OR51B5: variants seen among roughly 807,000 people sequenced by gnomAD.
OR51B5 encodes the protein olfactory receptor family 51 subfamily B member 5, also known as olfactory receptor 51B5.
For synonymous variants in OR51B5, 186 were observed against 144.8 expected (o/e 1.28, Z -2.04); for missense variants, 456 against 374.6 (o/e 1.22, Z -1.79).
In OR51B5 at chr11:5,481,810, A is replaced by T. The variant is rs1396533731; in HGVS notation, n.84+23759T>A. 2.2e-5 allele frequency among the ~76,000 whole-genome samples: 3 copies of T among 137,014 alleles called. No individual in the cohort carries two copies. The South Asian group carries it at 7.9e-4, about 36-fold the overall frequency. 89.9% of individuals were successfully genotyped at this position (137,014 alleles called of 152,430 possible). A position where few individuals can be genotyped will look rare whatever the true frequency, so the allele number is the denominator to read the frequency against. On this transcript the variant is annotated intron_variant and non_coding_transcript_variant, in intron 1 of 4. Transcript: ENST00000415970. ...ATCCAACTTACAAGGGATGTGAAGG[A>T]CCTCTTCAAGGAGAACTACAAACCA...
chr11:5,483,386 T>C (rs61892092), intron 1 of OR51B5, among the ~76,000 whole-genome samples: 13,306 of 129,298 alleles, frequency 0.1, 820 homozygotes, highest in Middle Eastern at 0.16. Flanking sequence ...AGGGATAGCA[T>C]TGGGAGATAT....
chr11:5,427,337 G>A (rs1850466304), intron 1 of OR51B5, among the ~76,000 whole-genome samples: 2 of 151,488 alleles, frequency 1.3e-5, no homozygotes, highest in African/African-American at 4.9e-5. Context: ...CCCTACACAT[G>A]TGTGCTGAAA....
chr11:5,363,957 T>C (rs775920620), intron 1 of OR51B5, among the ~76,000 whole-genome samples: 1 of 152,164 alleles, frequency 6.6e-6, no homozygotes, highest in Admixed American at 6.5e-5. Context: ...GAGGAGAAGC[T>C]TGTGTTAGGA....
intron 1 of OR51B5, chr11:5,454,329 CT>C: frequency 6.2e-7 from 1 of 1,614,146 alleles, no homozygotes; most frequent in Non-Finnish European, 8.5e-7. Flanking sequence ...AAATGTGTAC[CT>C]ATTTGTGCCT....
In OR51B5 at chr11:5,357,673, A is replaced by G. The variant is rs565359649; in HGVS notation, n.85-10763T>C. ...ACATCTACAGAACTCTCCACCCCAA[A>G]TCAACAGAATATACATTCTTTTCAG... is the stretch of plus-strand genomic sequence containing the variant. On this transcript the variant is annotated intron_variant and non_coding_transcript_variant, in intron 1 of 4. Coordinates refer to the OR51B5 transcript ENST00000415970. 1.2e-3 allele frequency among the ~76,000 whole-genome samples: 179 copies of G among 151,226 alleles called. 1 individual carries two copies. The highest frequency in any genetic ancestry group is 4.1e-3 in the African/African-American group (169 of 41,184).
chr11:5,477,943 C>T (rs4547124), intron 1 of OR51B5, among the ~76,000 whole-genome samples: 15,515 of 150,956 alleles, frequency 0.1, 852 homozygotes, highest in Middle Eastern at 0.17. Flanking sequence ...GAGGGGCGCC[C>T]GCCATTGCCC....
At chr11:5,461,262 G>A (rs941333573) in intron 1 of OR51B5, among the ~76,000 whole-genome samples, 2 of 152,316 alleles carry the variant, frequency 1.3e-5, no homozygotes, top group South Asian at 2.1e-4. Context: ...AGGCCAGGGG[G>A]TGGAGGCGAG....
At chr11:5,343,670 A>ACGTAGGTAGG, upstream of OR51B5, 1 of 535,382 alleles carries the variant, frequency 1.9e-6, no homozygotes, top group Non-Finnish European at 3.3e-6. Flanking sequence ...ATTGTTTCTC[A>ACGTAGGTAGG]AAATACATTC....
At chr11:5,404,646 G>T (rs751947660) in intron 1 of OR51B5, among the ~76,000 whole-genome samples, 1 of 152,214 alleles carries the variant, frequency 6.6e-6, no homozygotes, top group Non-Finnish European at 1.5e-5. Context: ...CTTGCACGCT[G>T]TGGAAGCTTT....
chr11:5,359,684 A>G (rs185934819), intron 1 of OR51B5, among the ~76,000 whole-genome samples: 1 of 150,448 alleles, frequency 6.6e-6, no homozygotes, highest in African/African-American at 2.5e-5. Context: ...CCACATTGAC[A>G]TGCCAATCCT....
chr11:5,374,535 A>T (rs528441453), intron 1 of OR51B5, among the ~76,000 whole-genome samples: 58 of 152,330 alleles, frequency 3.8e-4, no homozygotes, highest in African/African-American at 1.3e-3. Context: ...AACTACTCCG[A>T]GCTACAGGAG....
chr11:5,382,108 C>A (rs1396584675), intron 1 of OR51B5, among the ~76,000 whole-genome samples: 2 of 152,172 alleles, frequency 1.3e-5, no homozygotes, highest in Non-Finnish European at 2.9e-5. Context: ...AAAATGTGTA[C>A]CATGTTTGAC....
chr11:5,348,125 T>TA (rs1849022971), upstream of OR51B5, among the ~76,000 whole-genome samples: 1 of 152,142 alleles, frequency 6.6e-6, no homozygotes, highest in South Asian at 2.1e-4. Context: ...AGAGTAGATA[T>TA]ATGTAGTAGG....
chr11:5,468,975 TG>T (rs1851181657), intron 1 of OR51B5: 1 of 345,634 alleles, frequency 2.9e-6, no homozygotes, highest in Non-Finnish European at 5.7e-6. Context: ...CGGATGACAA[TG>T]GATATGCCAT....
intron 1 of OR51B5, among the ~76,000 whole-genome samples, chr11:5,406,628 T>G (rs1351815600): frequency 2.0e-5 from 3 of 152,160 alleles, no homozygotes; most frequent in Non-Finnish European, 4.4e-5. Flanking sequence ...AAATAAACAC[T>G]TTCACATTTA....
chr11:5,497,810 A>T (rs1423965058), intron 1 of OR51B5, among the ~76,000 whole-genome samples: 2 of 152,214 alleles, frequency 1.3e-5, no homozygotes, highest in African/African-American at 2.4e-5. Flanking sequence ...GGAGTTTCTC[A>T]GCAGCTTTGC....
intron 1 of OR51B5, chr11:5,505,246 T>G: frequency 8.7e-7 from 1 of 1,151,426 alleles, no homozygotes; most frequent in Non-Finnish European, 1.1e-6. Flanking sequence ...AACATTGCTA[T>G]TAGGTTTTTT....
intron 1 of OR51B5, among the ~76,000 whole-genome samples, chr11:5,420,835 T>G (rs1267011573): frequency 6.6e-6 from 1 of 152,232 alleles, no homozygotes; most frequent in Non-Finnish European, 1.5e-5. Flanking sequence ...ATTTCTGTCT[T>G]CATTTCCTTA....
intron 1 of OR51B5, among the ~76,000 whole-genome samples, chr11:5,349,535 C>A (rs150935612): frequency 0.031 from 4,680 of 152,060 alleles, 114 homozygotes; most frequent in Middle Eastern, 0.054. Flanking sequence ...AGAAAGCAGA[C>A]CTCACATATT....
Sources: gnomAD v4.1 joint callset for allele counts (sites outside exome capture counted in the v4.1 genomes callset) on GRCh38, gnomAD v4.1.1 for gene constraint, MANE v1.5 for transcripts, NCBI Gene and HGNC (gene_info 2026-07-23, HGNC 2026-07-21) for gene names.